Variants in MAGI3 observed in about 807,000 individuals in gnomAD.
The protein encoded by MAGI3 is membrane associated guanylate kinase, WW and PDZ domain containing 3, also known as membrane-associated guanylate kinase, WW and PDZ domain-containing protein 3.
MAGI3 carries 43 observed loss-of-function variants against 121.8 expected under a neutral mutation model. That is an observed-to-expected ratio of 0.35 (90% CI 0.28 to 0.46). MAGI3 has a LOEUF of 0.46. Among genes scored for constraint, MAGI3 ranks in the 20% least tolerant of loss-of-function variants. The pLI is 1.00. For missense variants in MAGI3, 1,547 were observed against 1,797.3 expected (o/e 0.86, Z 2.52); for synonymous variants, 553 against 639.3 (o/e 0.86, Z 2.04).
chr1:113,572,759 T>A (rs532620428), intron 2 of MAGI3, among the ~76,000 whole-genome samples: 19 of 152,316 alleles, frequency 1.2e-4, no homozygotes, highest in African/African-American at 4.6e-4. Context: ...TCATTTTTTA[T>A]TGCATTTATT....
At chr1:113,419,455 G>A (rs1319114804) in intron 1 of MAGI3, among the ~76,000 whole-genome samples, 3 of 152,142 alleles carry the variant, frequency 2.0e-5, no homozygotes, top group Non-Finnish European at 2.9e-5. Flanking sequence ...ATATTGAGCA[G>A]TGAACTTTGT....
At chr1:113,665,694 G>A (rs1168263037) in intron 16 of MAGI3, among the ~76,000 whole-genome samples, 2 of 152,012 alleles carry the variant, frequency 1.3e-5, no homozygotes, top group African/African-American at 4.8e-5. Flanking sequence ...CATCTTTTAT[G>A]TCCTTTAATA....
chr1:113,447,085 A>G (rs1246835508), intron 1 of MAGI3, among the ~76,000 whole-genome samples: 1 of 152,216 alleles, frequency 6.6e-6, no homozygotes, highest in Non-Finnish European at 1.5e-5. Flanking sequence ...TGATGGTTGC[A>G]TGATGGTGTG....
Position 113,549,604 on chromosome 1 carries a change from G to A in MAGI3, c.406G>A (p.Asp136Asn). ...IDHKLQQVIR[D>N]NLYLRTIPCT... The stretch of plus-strand genomic sequence containing the variant: ...CCACAAACTGCAGCAAGTGATCAGA[G>A]ATAATCTCTACTTGAGAACCATTCC... The change falls in exon 2 of 21, where the codon GAT becomes AAT. Residue 136 changes from aspartate (D) to asparagine (N), a missense_variant. Physicochemically the swap from Asp to Asn is conservative, Grantham distance 23. Coordinates refer to ENST00000307546, the MANE Select transcript of MAGI3 (RefSeq NM_001142782.2). 1 of 1,602,432 alleles carries A rather than the reference G, an allele frequency of 6.2e-7. No homozygotes were observed. Among genetic ancestry groups the A allele is most frequent in the Non-Finnish European group, 8.5e-7 (1 of 1,172,528 alleles).
Position 113,558,036 on chromosome 1 carries a change from C to A in MAGI3, c.433+8405C>A, listed in dbSNP as rs531868119. 1.4e-4 allele frequency among the ~76,000 whole-genome samples: 21 copies of A among 151,864 alleles called. No individual in the cohort carries two copies. The East Asian group carries it at 3.9e-3, about 28-fold the overall frequency. On this transcript the variant is annotated intron_variant, in intron 2 of 20. Transcript: ENST00000307546. ...AACAGAAAACAGCAACGAAGAAAAA[C>A]CACAAAAACCCCATCCAAAGATCAG...
chr1:113,684,050 CTT>C lies in MAGI3; in HGVS notation c.*39_*40del, dbSNP rs775456324. 2.1e-5 allele frequency: 31 copies of C among 1,453,914 alleles called. No individual in the cohort carries two copies. In the African/African-American group the frequency reaches 3.2e-4, roughly 15 times the overall value. 90.1% of individuals were successfully genotyped at this position (1,453,914 alleles called of 1,614,324 possible). A position where few individuals can be genotyped will look rare whatever the true frequency, so the allele number is the denominator to read the frequency against. Reference sequence around the variant, plus strand: ...AAAACAAAGAAAAACAAGTTGTAATCTTTTCTTACAGCAGCATTTTTCCAGAA... The same window carrying C: ...AAAACAAAGAAAAACAAGTTGTAATCTTCTTACAGCAGCATTTTTCCAGAA... On this transcript the variant is annotated 3_prime_UTR_variant, in exon 21 of 21. Transcript: ENST00000307546.
chr1:113,580,591 T>A lies in MAGI3; in HGVS notation c.483T>A (p.Asn161Lys). The A allele has an allele frequency of 6.2e-7, 1 of 1,612,442 alleles. No homozygotes were observed. Among genetic ancestry groups the A allele is most frequent in the East Asian group, 2.2e-5 (1 of 44,778 alleles). The change falls in exon 3 of 21, where the codon AAT becomes AAA. Residue 161 changes from asparagine (N) to lysine (K), a missense_variant. Asn to Lys is a moderately conservative substitution (Grantham distance 94, BLOSUM62 0). Transcript: ENST00000307546. ...GAGAAGTACCAGGAGTGGATTATAA[T>A]TTCATTTCCGTTGAACAGTTCAAAG... ...RDGEVPGVDY[N>K]FISVEQFKAL...
At chr1:113,573,069 G>T (rs1184568030) in intron 2 of MAGI3, among the ~76,000 whole-genome samples, 1 of 151,962 alleles carries the variant, frequency 6.6e-6, no homozygotes, top group African/African-American at 2.4e-5. Flanking sequence ...GGGACTACAG[G>T]TGCCCGCCAC....
chr1:113,565,870 G>A (rs1008463347), intron 2 of MAGI3, among the ~76,000 whole-genome samples: 2 of 152,136 alleles, frequency 1.3e-5, no homozygotes, highest in African/African-American at 4.8e-5. Context: ...CTTCTGTCCT[G>A]GTTCCTGGAA....
intron 1 of MAGI3, among the ~76,000 whole-genome samples, chr1:113,496,040 T>A (rs995557437): frequency 2.6e-5 from 4 of 152,226 alleles, no homozygotes; most frequent in African/African-American, 9.6e-5. Flanking sequence ...TTGAAGCATT[T>A]AGTGGTTGAA....
At chr1:113,566,398 T>C (rs1015590549) in intron 2 of MAGI3, among the ~76,000 whole-genome samples, 86 of 152,018 alleles carry the variant, frequency 5.7e-4, no homozygotes. Context: ...ACCAACTGAA[T>C]AAAACAAGAC....
At chr1:113,600,849 A>C (rs1249930852) in intron 6 of MAGI3, among the ~76,000 whole-genome samples, 1 of 152,232 alleles carries the variant, frequency 6.6e-6, no homozygotes, top group Non-Finnish European at 1.5e-5. Flanking sequence ...CCAAAACAGC[A>C]TGGTACTGGT....
At chr1:113,578,011 AT>A (rs34111296) in intron 2 of MAGI3, among the ~76,000 whole-genome samples, 69,160 of 151,964 alleles carry the variant, frequency 0.46, 17,431 homozygotes, top group African/African-American at 0.69. Flanking sequence ...AGTGATGTTT[AT>A]TTCTCATGAT....
chr1:113,473,662 A>G (rs1171891663), intron 1 of MAGI3, among the ~76,000 whole-genome samples: 8 of 152,138 alleles, frequency 5.3e-5, no homozygotes, highest in South Asian at 2.1e-4. Flanking sequence ...GATCCAGTCT[A>G]TCATCGATGG....
chr1:113,549,698 A>G (rs1659685656), intron 2 of MAGI3, 67 bp downstream of exon 2: 7 of 788,668 alleles, frequency 8.9e-6, no homozygotes, highest in African/African-American at 1.8e-5. Flanking sequence ...AAACATCTAC[A>G]GATAGTTTGA....
intron 6 of MAGI3, among the ~76,000 whole-genome samples, chr1:113,611,005 T>G (rs1007769557): frequency 6.6e-6 from 1 of 152,124 alleles, no homozygotes; most frequent in South Asian, 2.1e-4. Context: ...CTAGGCACTT[T>G]TAATATATCA....
intron 19 of MAGI3, 141 bp from the exon 20 acceptor site, chr1:113,681,057 C>T: frequency 2.4e-6 from 2 of 834,456 alleles, no homozygotes; most frequent in South Asian, 2.2e-5. Flanking sequence ...TCAACTCTCA[C>T]ATGGCAGTAC....
At chr1:113,402,241 G>T (rs1157043136) in intron 1 of MAGI3, among the ~76,000 whole-genome samples, 2 of 152,104 alleles carry the variant, frequency 1.3e-5, no homozygotes, top group Non-Finnish European at 2.9e-5. Flanking sequence ...GACTCAGTTT[G>T]TTAGGCCATC....
At chr1:113,612,697 A>G (rs1650230729) in intron 6 of MAGI3, among the ~76,000 whole-genome samples, 1 of 152,216 alleles carries the variant, frequency 6.6e-6, no homozygotes, top group Non-Finnish European at 1.5e-5. Context: ...AACCCAGAAG[A>G]TAAATGGCTG....
Sources: allele counts gnomAD v4.1 joint callset (sites outside exome capture counted in the v4.1 genomes callset), GRCh38; gene constraint gnomAD v4.1.1; transcripts MANE v1.5; gene names NCBI Gene and HGNC (gene_info 2026-07-23, HGNC 2026-07-21).